Variants in PAQR7 observed in about 807,000 individuals in gnomAD.
The protein encoded by PAQR7 is progestin and adipoQ receptor family member 7, also known as membrane progestin receptor alpha.
PAQR7 carries 14 observed loss-of-function variants against 24.6 expected under a neutral mutation model. The observed-to-expected ratio is 0.57, with a 90% CI of 0.38 to 0.89. The LOEUF (loss-of-function observed/expected upper bound fraction) is 0.89. PAQR7 is among the 40% of genes least tolerant of loss of function. PAQR7 has a pLI of 0.00. For synonymous variants in PAQR7, 189 were observed against 198.8 expected (o/e 0.95, Z 0.42); for missense variants, 351 against 444.0 (o/e 0.79, Z 1.88).
At chr1:25,872,765 C>T (rs541279484) in intron 1 of PAQR7, among the ~76,000 whole-genome samples, 1 of 152,262 alleles carries the variant, frequency 6.6e-6, no homozygotes, top group African/African-American at 2.4e-5. Flanking sequence ...CCCACCTTGG[C>T]CTCCCAAAGT....
At position 25,863,268 on chromosome 1, in the gene PAQR7, T is replaced by C. The variant is rs1276847955; in HGVS notation, c.572A>G (p.Tyr191Cys). 8 of 1,614,218 alleles carry C rather than the reference T, an allele frequency of 5.0e-6. No individual in the cohort carries two copies. The highest frequency in any genetic ancestry group is 1.1e-5 in the South Asian group (1 of 91,088). ...GCCTGGTTTCTGGATGTACTTGTTA[T>C]AGCAGGAGCCAATGCAGGAAAGCCA... ...LAWLSCIGSC[Y>C]NKYIQKPGLL... Residue 191 changes from tyrosine (Y) to cysteine (C), a missense_variant, in exon 3 of 3, where the codon TAT becomes TGT. Coordinates refer to ENST00000675840, the MANE Select transcript of PAQR7 (RefSeq NM_178422.6). The surrounding 1 kb of genome is among the most constrained non-coding windows in gnomAD (Gnocchi z 6.1).
chr1:25,874,044 C>T lies in PAQR7; in HGVS notation c.-109+1444G>A, dbSNP rs540015734. Among the ~76,000 whole-genome samples the T allele has an allele frequency of 9.2e-5, 14 of 152,184 alleles. No homozygotes were observed. The East Asian group carries it at 2.1e-3, about 23-fold the overall frequency. ...GATTACAGGCATGCACCACCACACC[C>T]GGCTAATTTTGTATTTTTAGTAGAG... On this transcript the variant is annotated intron_variant, in intron 1 of 2. Coordinates refer to ENST00000675840, the MANE Select transcript of PAQR7 (RefSeq NM_178422.6).
At chr1:25,868,651 C>T (rs544339343) in intron 2 of PAQR7, among the ~76,000 whole-genome samples, 8 of 135,010 alleles carry the variant, frequency 5.9e-5, no homozygotes, top group African/African-American at 1.9e-4. Flanking sequence ...CAGAGGTTGC[C>T]GGGAGCCAAG....
intron 2 of PAQR7, among the ~76,000 whole-genome samples, chr1:25,865,214 C>T (rs924064400): frequency 2.0e-5 from 3 of 151,894 alleles, no homozygotes; most frequent in Non-Finnish European, 4.4e-5. Flanking sequence ...TCCTGAACCT[C>T]CTACGATGAC....
At chr1:25,868,277 T>C (rs1350871509) in intron 2 of PAQR7, among the ~76,000 whole-genome samples, 3 of 152,178 alleles carry the variant, frequency 2.0e-5, no homozygotes, top group Admixed American at 6.5e-5. Flanking sequence ...ATTCCACTAC[T>C]GCGGCAAAGA....
rs190707242 is a variant in PAQR7 at position 25,867,787 on chromosome 1, T to C, written c.-23+2822A>G. Reference sequence around the variant, plus strand: ...CCACATCTCCAGAGCCTGATTTGCATTCCTAAGCTCCTCCTGCATTAGGAT... The same window carrying C: ...CCACATCTCCAGAGCCTGATTTGCACTCCTAAGCTCCTCCTGCATTAGGAT... On this transcript the variant is annotated intron_variant, in intron 2 of 2. Coordinates refer to ENST00000675840, the MANE Select transcript of PAQR7 (RefSeq NM_178422.6). Among the ~76,000 whole-genome samples the C allele has an allele frequency of 7.9e-5, 12 of 152,352 alleles. No homozygotes were observed. The East Asian group carries it at 1.9e-3, about 24-fold the overall frequency.
rs1197997976 is a variant in PAQR7, at chr1:25,862,204, G to A, written c.*595C>T. 6.6e-6 allele frequency: 1 copy of A among 152,478 alleles called. No homozygotes were observed. The highest frequency in any genetic ancestry group is 6.6e-5 in the Admixed American group (1 of 15,254). The allele number at this position is 152,478 out of a possible 1,614,324, so 9.4% of individuals were successfully genotyped here. Reference sequence around the variant, plus strand: ...CACAGAAGCCAGAGCTAGGAGATCTGGGGCTCACTGTCTGGGATAGTGACT... The same window carrying A: ...CACAGAAGCCAGAGCTAGGAGATCTAGGGCTCACTGTCTGGGATAGTGACT... On this transcript the variant is annotated 3_prime_UTR_variant, in exon 3 of 3. Transcript: ENST00000675840.
intron 2 of PAQR7, among the ~76,000 whole-genome samples, chr1:25,865,992 A>G (rs528642761): frequency 6.6e-6 from 1 of 151,872 alleles, no homozygotes; most frequent in Non-Finnish European, 1.5e-5. Flanking sequence ...GTCTCAAAAA[A>G]AAAAAAAAAG....
In PAQR7 at chr1:25,875,086, G is replaced by A. The variant is rs1007163974; in HGVS notation, c.-109+402C>T. Among the ~76,000 whole-genome samples the A allele has an allele frequency of 3.3e-5, 5 of 152,170 alleles. No homozygotes were observed. The highest frequency in any genetic ancestry group is 4.8e-5 in the African/African-American group (2 of 41,436). ...GAAGGCAGCGGCCTTGCCCGGGCCA[G>A]ACGCCCCTACCCACTCCCTGCCCTC... On this transcript the variant is annotated intron_variant, in intron 1 of 2. Coordinates refer to ENST00000675840, the MANE Select transcript of PAQR7 (RefSeq NM_178422.6). The surrounding 1 kb of genome is among the most constrained non-coding windows in gnomAD (Gnocchi z 5.4).
chr1:25,865,786 GAC>G (rs2048552435), intron 2 of PAQR7, among the ~76,000 whole-genome samples: 2 of 151,160 alleles, frequency 1.3e-5, no homozygotes, highest in African/African-American at 4.9e-5. Flanking sequence ...CAGCCTGGGC[GAC>G]AGAGTGAGAC....
Position 25,863,961 on chromosome 1 carries a change from G to A in PAQR7, c.-22-100C>T, listed in dbSNP as rs1439096375. On this transcript the variant is annotated intron_variant, in intron 2 of 2. Transcript: ENST00000675840. The surrounding 1 kb of genome is among the most constrained non-coding windows in gnomAD (Gnocchi z 6.1). ...GCCCAAATCCTACTCCCTCCTCTCC[G>A]ACAGCCTTATCCTTACACTCGGTTT... 12 of 837,342 alleles carry A rather than the reference G, an allele frequency of 1.4e-5. No homozygotes were observed. Among genetic ancestry groups the A allele is most frequent in the South Asian group, 1.8e-5 (1 of 56,520 alleles). The allele number at this position is 837,342 out of a possible 1,614,324, so 51.9% of individuals were successfully genotyped here.
Position 25,861,841 on chromosome 1 carries a change from C to A in PAQR7, c.*958G>T. 1 of 151,608 alleles carries A rather than the reference C, an allele frequency of 6.6e-6. No homozygotes were observed. The highest frequency in any genetic ancestry group is 1.9e-4 in the East Asian group (1 of 5,150). 9.4% of individuals were successfully genotyped at this position (151,608 alleles called of 1,614,324 possible). On this transcript the variant is annotated 3_prime_UTR_variant, in exon 3 of 3. Transcript: ENST00000675840. ...ACCAGCCTGACCAACATGGAGAAAC[C>A]CCGTCTCTACTAAAAATACAGAAAA...
chr1:25,867,430 T>C (rs2048566499), intron 2 of PAQR7, among the ~76,000 whole-genome samples: 1 of 152,212 alleles, frequency 6.6e-6, no homozygotes, highest in South Asian at 2.1e-4. Context: ...ATTACATAAT[T>C]CAGGCTTACC....
intron 2 of PAQR7, among the ~76,000 whole-genome samples, chr1:25,867,077 G>A (rs905712956): frequency 1.3e-5 from 2 of 152,124 alleles, no homozygotes; most frequent in African/African-American, 4.8e-5. Context: ...CCAGGTTGGA[G>A]CACAGTGGTA....
chr1:25,865,813 A>C (rs1443688358), intron 2 of PAQR7, among the ~76,000 whole-genome samples: 1 of 151,796 alleles, frequency 6.6e-6, no homozygotes, highest in Non-Finnish European at 1.5e-5. Flanking sequence ...TCTCAAAAAT[A>C]AATAAATAAA....
At chr1:25,871,986 C>T (rs576865460) in intron 1 of PAQR7, among the ~76,000 whole-genome samples, 1 of 152,338 alleles carries the variant, frequency 6.6e-6, no homozygotes, top group South Asian at 2.1e-4. Context: ...GGACATCCTC[C>T]ACTAATCTCT....
At chr1:25,870,827 T>C (rs2048597680) in intron 1 of PAQR7, 133 bp from the exon 2 acceptor site, 1 of 152,240 alleles carries the variant, frequency 6.6e-6, no homozygotes, top group Admixed American at 6.5e-5. Flanking sequence ...ACATGCTAGC[T>C]ATGTGACCTT....
intron 1 of PAQR7, among the ~76,000 whole-genome samples, chr1:25,874,488 C>T (rs1342545614): frequency 6.6e-6 from 1 of 152,200 alleles, no homozygotes; most frequent in Non-Finnish European, 1.5e-5. Flanking sequence ...ACCTGAGCTG[C>T]ACTGCTGACC....
intron 1 of PAQR7, among the ~76,000 whole-genome samples, chr1:25,874,264 T>C (rs923147224): frequency 1.3e-5 from 2 of 151,406 alleles, no homozygotes; most frequent in African/African-American, 2.4e-5. Flanking sequence ...CACTGCAACC[T>C]TGAACTCACG....
Sources: gnomAD v4.1 joint callset for allele counts (sites outside exome capture counted in the v4.1 genomes callset) on GRCh38, gnomAD v4.1.1 for gene constraint, Gnocchi (gnomAD v3.1) non-coding constraint, MANE v1.5 for transcripts, NCBI Gene and HGNC (gene_info 2026-07-23, HGNC 2026-07-21) for gene names.